Variants in TASOR observed in about 807,000 individuals in gnomAD.
TASOR encodes transcription activation suppressor, also known as protein TASOR.
In TASOR, 53 loss-of-function variants were observed where a neutral mutation model predicts 178.6. That is an observed-to-expected ratio of 0.30 (90% confidence interval 0.24 to 0.37). TASOR has a LOEUF of 0.37. TASOR is among the 10% of genes least tolerant of loss of function. The pLI, the probability that TASOR is intolerant of heterozygous loss-of-function variation, is 1.00. For missense variants in TASOR, 1,815 were observed against 1,971.4 expected, an observed-to-expected ratio of 0.92 and a Z score of 1.50; for synonymous variants, 713 against 696.2, an observed-to-expected ratio of 1.02 and a Z score of -0.38.
chr3:56,656,175 A>C (rs1037657604), intron 11 of TASOR, among the ~76,000 whole-genome samples: 1 of 152,248 alleles, frequency 6.6e-6, no homozygotes, highest in Non-Finnish European at 1.5e-5. Context: ...AGAAACCCCC[A>C]AAAATGTACA....
At chr3:56,647,808 T>C (rs2077266807) in intron 13 of TASOR, among the ~76,000 whole-genome samples, 1 of 152,220 alleles carries the variant, frequency 6.6e-6, no homozygotes, top group African/African-American at 2.4e-5. Flanking sequence ...AAAATTCTCA[T>C]TAATTTTGAA....
intron 6 of TASOR, among the ~76,000 whole-genome samples, chr3:56,668,099 A>T (rs755622642): frequency 3.3e-5 from 5 of 152,200 alleles, no homozygotes; most frequent in Non-Finnish European, 5.9e-5. Flanking sequence ...AAATGAAATG[A>T]GGTGTGTTGA....
At position 56,633,068 on chromosome 3, in the gene TASOR, C is replaced by T. The variant is rs745872840; in HGVS notation, c.3723G>A (p.Glu1241=). 9 of 1,601,522 alleles carry T rather than the reference C, an allele frequency of 5.6e-6. No individual in the cohort carries two copies. The African/African-American group carries it at 9.4e-5, about 17-fold the overall frequency. The change falls in exon 18 of 24, where the codon GAG becomes GAA. Residue 1241 remains glutamate, a synonymous_variant. Transcript: ENST00000683822. ...TVKFYIHEEE[E]SVLCKEIKEY... ...CCTTTATTTCTTTACAGAGCACACTCTCTTCTTCTTCATGAATATAAAATT... is the reference window on the plus strand; with the variant it reads ...CCTTTATTTCTTTACAGAGCACACTTTCTTCTTCTTCATGAATATAAAATT...
chr3:56,647,000 A>G lies in TASOR; in HGVS notation c.1737T>C (p.Asp579=). 6.2e-7 allele frequency: 1 copy of G among 1,603,706 alleles called. No individual in the cohort carries two copies. The highest frequency in any genetic ancestry group is 1.1e-5 in the South Asian group (1 of 88,104). ...AGAATTTTTTATCATCTAATCGTGA[A>G]TCATATGGAAACATAATAAACTCTC... The part of the protein sequence containing the change: ...GKREFIMFPY[D]SRLDDKKFLY... Residue 579 remains aspartate (D), a synonymous_variant, in exon 14 of 24, where the codon GAT becomes GAC. Coordinates refer to ENST00000683822, the MANE Select transcript of TASOR (RefSeq NM_001365635.2).
intron 5 of TASOR, among the ~76,000 whole-genome samples, chr3:56,669,413 G>C (rs550624796): frequency 6.6e-6 from 1 of 152,226 alleles, no homozygotes; most frequent in South Asian, 2.1e-4. Flanking sequence ...TGAAGCAGGA[G>C]AATGGCATGA....
intron 1 of TASOR, among the ~76,000 whole-genome samples, chr3:56,678,306 C>T (rs1172752260): frequency 1.3e-5 from 2 of 151,110 alleles, no homozygotes; most frequent in East Asian, 3.9e-4. Context: ...CTCAGCCTCC[C>T]GAGCAGCTGG....
chr3:56,680,162 T>G (rs2031665098), intron 1 of TASOR, among the ~76,000 whole-genome samples: 1 of 152,214 alleles, frequency 6.6e-6, no homozygotes. Context: ...ACTCTACAAC[T>G]ACCTTCAAAT....
rs76786710 is a variant in TASOR at position 56,620,241 on chromosome 3, A to G, written c.*2796T>C. The G allele has an allele frequency of 2.1e-3, 333 of 162,386 alleles. 1 individual carries two copies. Among genetic ancestry groups the G allele is most frequent in the Non-Finnish European group, 3.8e-3 (285 of 74,260 alleles). 10.1% of individuals were successfully genotyped at this position (162,386 alleles called of 1,614,324 possible). A position where few individuals can be genotyped will look rare whatever the true frequency, so the allele number is the denominator to read the frequency against. ...GTTATGCTTTAACAAATTCTTAGCAATGTGGCCCACGCTTTTTAAAAAATT... is the reference window on the plus strand; with the variant it reads ...GTTATGCTTTAACAAATTCTTAGCAGTGTGGCCCACGCTTTTTAAAAAATT... On this transcript the variant is annotated 3_prime_UTR_variant, in exon 24 of 24. Coordinates refer to ENST00000683822, the MANE Select transcript of TASOR (RefSeq NM_001365635.2).
At chr3:56,657,061 G>A (rs1242701771) in intron 11 of TASOR, among the ~76,000 whole-genome samples, 2 of 151,728 alleles carry the variant, frequency 1.3e-5, no homozygotes, top group African/African-American at 4.8e-5. Flanking sequence ...CAGGCACGGT[G>A]GCTCACGCCT....
In TASOR at chr3:56,637,124, A is replaced by C. The variant is rs956784659; in HGVS notation, c.2824+1582T>G. Among the ~76,000 whole-genome samples the C allele has an allele frequency of 4.6e-5, 7 of 152,386 alleles. 1 individual carries two copies. The highest frequency in any genetic ancestry group is 1.3e-4 in the Admixed American group (2 of 15,302). On this transcript the variant is annotated intron_variant, in intron 17 of 23. Transcript: ENST00000683822. ...ATTTATCCTAAGTTCAACAACAGGC[A>C]AAACTAATCAGATTAGCACTTACTT... is the stretch of plus-strand genomic sequence containing the variant.
At chr3:56,638,810 C>CTAATGT in intron 16 of TASOR, 45 bp from the exon 17 acceptor site, 4 of 1,543,502 alleles carry the variant, frequency 2.6e-6, no homozygotes, top group Non-Finnish European at 3.6e-6. Flanking sequence ...ATTAGTGATA[C>CTAATGT]CTACACTAAG....
chr3:56,678,829 G>A (rs2031549212), intron 1 of TASOR, among the ~76,000 whole-genome samples: 1 of 151,756 alleles, frequency 6.6e-6, no homozygotes, highest in African/African-American at 2.4e-5. Flanking sequence ...TGGCCAACAT[G>A]GCAAAATCCC....
At chr3:56,662,943 C>T (rs2077629243) in intron 8 of TASOR, among the ~76,000 whole-genome samples, 1 of 152,142 alleles carries the variant, frequency 6.6e-6, no homozygotes, top group African/African-American at 2.4e-5. Context: ...CTTTGGGAGG[C>T]CGAGGCGGGT....
chr3:56,627,395 C>A (rs927960825), intron 20 of TASOR, among the ~76,000 whole-genome samples, 187 bp downstream of exon 20: 1 of 152,112 alleles, frequency 6.6e-6, no homozygotes, highest in Non-Finnish European at 1.5e-5. Flanking sequence ...GGCAGACAGC[C>A]TTGCTTTACA....
intron 11 of TASOR, among the ~76,000 whole-genome samples, chr3:56,657,509 T>A (rs1212460668): frequency 6.6e-6 from 1 of 152,176 alleles, no homozygotes; most frequent in Non-Finnish European, 1.5e-5. Flanking sequence ...AATATTTTAC[T>A]CTTCGCATAC....
chr3:56,630,713 C>T (rs778134257), intron 18 of TASOR, among the ~76,000 whole-genome samples: 5 of 151,930 alleles, frequency 3.3e-5, no homozygotes, highest in African/African-American at 9.7e-5. Flanking sequence ...GGAGTGGTGG[C>T]GGGTGCCTGC....
At chr3:56,671,810 T>C (rs1217138511) in intron 2 of TASOR, 118 bp from the exon 3 acceptor site, 1 of 700,910 alleles carries the variant, frequency 1.4e-6, no homozygotes, top group East Asian at 2.7e-5. Flanking sequence ...ATAATCTCTA[T>C]CTCTCTATAC....
Position 56,683,179 on chromosome 3 carries a change from G to T in TASOR, c.-173C>A. 1 of 658,636 alleles carries T rather than the reference G, an allele frequency of 1.5e-6. No individual in the cohort carries two copies. Among genetic ancestry groups the T allele is most frequent in the Non-Finnish European group, 2.5e-6 (1 of 402,372 alleles). 40.8% of individuals were successfully genotyped at this position (658,636 alleles called of 1,614,324 possible). On this transcript the variant is annotated 5_prime_UTR_variant, in exon 1 of 24. Transcript: ENST00000683822. ...GCAGCCTCTTGGGGGGCCCTGTAGCGGGCACCCCAAATGCGCTGCCCGGTC... is the reference window on the plus strand; with the variant it reads ...GCAGCCTCTTGGGGGGCCCTGTAGCTGGCACCCCAAATGCGCTGCCCGGTC...
chr3:56,667,068 G>A (rs2030094076), intron 6 of TASOR, among the ~76,000 whole-genome samples: 1 of 152,146 alleles, frequency 6.6e-6, no homozygotes, highest in Non-Finnish European at 1.5e-5. Flanking sequence ...AATGGCTGGA[G>A]TTTTTAAAAA....
Sources: gnomAD v4.1 joint callset for allele counts (sites outside exome capture counted in the v4.1 genomes callset) on GRCh38, gnomAD v4.1.1 for gene constraint, MANE v1.5 for transcripts, NCBI Gene and HGNC (gene_info 2026-07-23, HGNC 2026-07-21) for gene names.